SVIL: variants seen among roughly 807,000 people sequenced by gnomAD.
The protein encoded by SVIL is supervillin.
A neutral mutation model predicts 240.4 loss-of-function variants in SVIL; 101 were observed. That is an observed-to-expected ratio of 0.42 (90% CI 0.36 to 0.50). The LOEUF (loss-of-function observed/expected upper bound fraction) is 0.50. Ranked by LOEUF, SVIL falls within the 20% of genes least tolerant of loss-of-function variation. SVIL has a pLI of 0.01. For synonymous variants in SVIL, 999 were observed against 1,100.0 expected (o/e 0.91, Z 1.82); for missense variants, 2,512 against 2,818.7 (o/e 0.89, Z 2.46).
At chr10:29,538,102 G>A (rs1473989974) in intron 6 of SVIL, among the ~76,000 whole-genome samples, 1 of 152,210 alleles carries the variant, frequency 6.6e-6, no homozygotes, top group Non-Finnish European at 1.5e-5. Flanking sequence ...ATGACATCAA[G>A]TTCCTATAAC....
chr10:29,491,909 AG>A (rs1234193852), intron 21 of SVIL, among the ~76,000 whole-genome samples: 3 of 152,268 alleles, frequency 2.0e-5, no homozygotes, highest in Non-Finnish European at 4.4e-5. Flanking sequence ...AAAATGGCAA[AG>A]GGCTCATTTT....
chr10:29,592,025 T>TG (rs1285746519), intron 1 of SVIL, among the ~76,000 whole-genome samples: 2 of 152,178 alleles, frequency 1.3e-5, no homozygotes, highest in Non-Finnish European at 2.9e-5. Context: ...CTGAGGCAGA[T>TG]GGATCACTTG....
chr10:29,650,356 T>C (rs564276574), intron 3 of SVIL, among the ~76,000 whole-genome samples: 3 of 152,304 alleles, frequency 2.0e-5, no homozygotes, highest in Admixed American at 2.0e-4. Flanking sequence ...GGCAATGCAC[T>C]TTTGAGGTTT....
intron 1 of SVIL, among the ~76,000 whole-genome samples, chr10:29,723,958 A>G (rs1964134159): frequency 6.6e-6 from 1 of 152,188 alleles, no homozygotes; most frequent in African/African-American, 2.4e-5. Context: ...TTCAAAACCA[A>G]CTTCTAGCTG....
intron 1 of SVIL, among the ~76,000 whole-genome samples, chr10:29,590,888 A>C (rs1037644051): frequency 6.6e-6 from 1 of 152,254 alleles, no homozygotes; most frequent in African/African-American, 2.4e-5. Context: ...GAATCAATGC[A>C]TCTCCCAAAG....
intron 1 of SVIL, among the ~76,000 whole-genome samples, chr10:29,704,568 G>T (rs1333534459): frequency 2.6e-5 from 4 of 151,918 alleles, no homozygotes; most frequent in African/African-American, 9.7e-5. Flanking sequence ...ATCTAACATG[G>T]GTTCTCATGT....
At chr10:29,689,267 C>A (rs1961314506) in intron 1 of SVIL, among the ~76,000 whole-genome samples, 1 of 152,084 alleles carries the variant, frequency 6.6e-6, no homozygotes, top group Admixed American at 6.5e-5. Context: ...ATCTCCCCGA[C>A]TCATGAGTCT....
chr10:29,568,271 G>A (rs78031605), intron 2 of SVIL, among the ~76,000 whole-genome samples: 12,634 of 151,600 alleles, frequency 0.083, 603 homozygotes, highest in Admixed American at 0.13. Flanking sequence ...AATACACCAA[G>A]GATTTGTCCC....
At chr10:29,544,567 C>A (rs1318209764) in intron 6 of SVIL, among the ~76,000 whole-genome samples, 1 of 151,898 alleles carries the variant, frequency 6.6e-6, no homozygotes, top group African/African-American at 2.4e-5. Flanking sequence ...CCAGCCTGGG[C>A]AACATTGTGA....
rs753867995 is a variant in SVIL, at chr10:29,458,320, A to G, written c.6572T>C (p.Met2191Thr). The change falls in exon 38 of 38, where the codon ATG becomes ACG. Residue 2191 changes from methionine (M) to threonine (T), a missense_variant. Transcript: ENST00000355867. The stretch of plus-strand genomic sequence containing the variant: ...CAGGGCGTTGTATTCATCCCTCGTC[A>G]TGTCTAGTGCAAACTGGAAACATTG... Reference protein sequence around the residue: ...TDEDFEFALDMTRDEYNALPA... With the variant: ...TDEDFEFALDTTRDEYNALPA... 1.2e-6 allele frequency: 2 copies of G among 1,614,036 alleles called. No homozygotes were observed. The highest frequency in any genetic ancestry group is 1.7e-6 in the Non-Finnish European group (2 of 1,180,030).
chr10:29,711,050 A>T (rs1349022546), intron 1 of SVIL, among the ~76,000 whole-genome samples: 1 of 152,240 alleles, frequency 6.6e-6, no homozygotes, highest in Non-Finnish European at 1.5e-5. Flanking sequence ...GAAATAGTCA[A>T]GGAGGCACAA....
At chr10:29,728,141 C>A (rs10826684) in intron 1 of SVIL, among the ~76,000 whole-genome samples, 4 of 151,962 alleles carry the variant, frequency 2.6e-5, no homozygotes, top group African/African-American at 9.7e-5. Flanking sequence ...TGACTTACAC[C>A]CACCCTGGAC....
intron 33 of SVIL, among the ~76,000 whole-genome samples, chr10:29,466,161 G>A (rs1944887002): frequency 6.6e-6 from 1 of 151,788 alleles, no homozygotes; most frequent in African/African-American, 2.4e-5. Context: ...TATAGATACT[G>A]TGTATATATG....
At chr10:29,591,148 C>A (rs796468782) in intron 1 of SVIL, among the ~76,000 whole-genome samples, 10 of 152,292 alleles carry the variant, frequency 6.6e-5, no homozygotes, top group African/African-American at 2.4e-4. Context: ...ATGTTTCACA[C>A]ACTTATTGGC....
At chr10:29,614,757 C>T (rs1015648438) in intron 1 of SVIL, among the ~76,000 whole-genome samples, 1 of 152,052 alleles carries the variant, frequency 6.6e-6, no homozygotes, top group African/African-American at 2.4e-5. Context: ...ACATGTATAC[C>T]TATGTAACAA....
chr10:29,716,671 G>T (rs1177889693), intron 1 of SVIL, among the ~76,000 whole-genome samples: 1 of 152,104 alleles, frequency 6.6e-6, no homozygotes, highest in Non-Finnish European at 1.5e-5. Context: ...CTCAAAATAA[G>T]AATGGCCAAA....
Position 29,634,955 on chromosome 10 carries a change from G to A in SVIL, c.-736C>T, listed in dbSNP as rs1958255476. Reference sequence around the variant, plus strand: ...CCTGAGGACACTTCAGCCTGGGGAGGACGCAGTCAGAGCAGTGAAGCAACT... The same window carrying A: ...CCTGAGGACACTTCAGCCTGGGGAGAACGCAGTCAGAGCAGTGAAGCAACT... On this transcript the variant is annotated 5_prime_UTR_variant, in exon 1 of 38. Coordinates refer to ENST00000355867, the MANE Select transcript of SVIL (RefSeq NM_021738.3). The A allele has an allele frequency of 6.6e-6, 1 of 152,210 alleles. No individual in the cohort carries two copies. The highest frequency in any genetic ancestry group is 2.4e-5 in the African/African-American group (1 of 41,422). The allele number at this position is 152,210 out of a possible 1,614,324, so 9.4% of individuals were successfully genotyped here. A position where few individuals can be genotyped will look rare whatever the true frequency, so the allele number is the denominator to read the frequency against.
chr10:29,535,313 C>T (rs774653435), intron 7 of SVIL, among the ~76,000 whole-genome samples: 8 of 152,104 alleles, frequency 5.3e-5, no homozygotes, highest in African/African-American at 1.2e-4. Context: ...GAGACTGAAG[C>T]GCGGTTCCAG....
At chr10:29,525,363 C>T (rs1426545863) in intron 13 of SVIL, among the ~76,000 whole-genome samples, 3 of 152,170 alleles carry the variant, frequency 2.0e-5, no homozygotes, top group African/African-American at 7.2e-5. Context: ...TCTGGTGGCT[C>T]ATATCTATGG....
Sources: gnomAD v4.1 joint callset for allele counts (sites outside exome capture counted in the v4.1 genomes callset) on GRCh38, gnomAD v4.1.1 for gene constraint, MANE v1.5 for transcripts, NCBI Gene and HGNC (gene_info 2026-07-23, HGNC 2026-07-21) for gene names.